The following LRCH1 variants were observed in gnomAD, a reference collection of about 807,000 sequenced individuals.
The protein encoded by LRCH1 is leucine-rich repeat and calponin homology domain-containing protein 1.
Under a neutral mutation model 94.9 loss-of-function variants are expected in LRCH1, and 23 were observed. That is an observed-to-expected ratio of 0.24 (90% confidence interval 0.17 to 0.34). LRCH1 has a LOEUF of 0.34. Among genes scored for constraint, LRCH1 ranks in the 10% least tolerant of loss-of-function variants. The pLI, the probability that LRCH1 is intolerant of heterozygous loss-of-function variation, is 1.00. For synonymous variants in LRCH1, 364 were observed against 354.9 expected (o/e 1.03, Z -0.29); for missense variants, 790 against 945.9 (o/e 0.84, Z 2.16).
chr13:46,615,702 C>T (rs952114956), intron 1 of LRCH1, among the ~76,000 whole-genome samples: 6 of 152,114 alleles, frequency 3.9e-5, no homozygotes, highest in African/African-American at 1.4e-4. Flanking sequence ...CGCAAGTGTT[C>T]TCGTAATGTT....
At chr13:46,707,567 A>G (rs931279023) in intron 13 of LRCH1, among the ~76,000 whole-genome samples, 14 of 152,192 alleles carry the variant, frequency 9.2e-5, no homozygotes, top group African/African-American at 3.4e-4. Flanking sequence ...TTTTGACTCT[A>G]GTAAAATAGA....
At chr13:46,740,192 C>T (rs1873581913) in intron 19 of LRCH1, among the ~76,000 whole-genome samples, 1 of 152,176 alleles carries the variant, frequency 6.6e-6, no homozygotes, top group Admixed American at 6.5e-5. Context: ...TGAGCAGCAT[C>T]AGTCTCCCAG....
Position 46,554,043 on chromosome 13 carries a change from A to G in LRCH1, c.307+340A>G, listed in dbSNP as rs141458197. Among the ~76,000 whole-genome samples the G allele has an allele frequency of 5.7e-3, 867 of 152,326 alleles. 9 individuals carry two copies. The highest frequency in any genetic ancestry group is 0.019 in the African/African-American group (805 of 41,582). On this transcript the variant is annotated intron_variant, in intron 1 of 19. Transcript: ENST00000389797. Reference sequence around the variant, plus strand: ...ACTTGCAGGCGCGCCGCGTGCGCGCAGTGTAAGTGGGAGGTTTCAGGCGGC... The same window carrying G: ...ACTTGCAGGCGCGCCGCGTGCGCGCGGTGTAAGTGGGAGGTTTCAGGCGGC...
intron 19 of LRCH1, among the ~76,000 whole-genome samples, chr13:46,735,788 CTTTTCTTTT>C (rs1447789202): frequency 4.3e-5 from 3 of 69,916 alleles, no homozygotes; most frequent in African/African-American, 1.4e-4. Context: ...TTTTCTTTTT[CTTTTCTTTT>C]TTTTTTTTTT....
rs753681064 is a variant in LRCH1, at chr13:46,553,378, TG to T, written c.-12del. 2.0e-5 allele frequency: 29 copies of T among 1,481,010 alleles called. No individual in the cohort carries two copies. The highest frequency in any genetic ancestry group is 2.1e-4 in the Middle Eastern group (1 of 4,716). The allele number at this position is 1,481,010 out of a possible 1,614,324, so 91.7% of individuals were successfully genotyped here. On this transcript the variant is annotated 5_prime_UTR_variant, in exon 1 of 20. Transcript: ENST00000389797. ...CCCCCGCAGGAGCGGCGGGGCGGGG[TG>T]GGGGGGCCCGGGAGAAGATGGCGAC...
intron 1 of LRCH1, among the ~76,000 whole-genome samples, chr13:46,562,923 G>A (rs1245610971): frequency 3.9e-5 from 6 of 152,084 alleles, no homozygotes; most frequent in Admixed American, 3.3e-4. Context: ...GGATGACTCC[G>A]GCTCATCTGG....
rs1183678461 is a variant in LRCH1, at chr13:46,669,049, C to A, written c.472C>A (p.Leu158Met). Reference sequence around the variant, plus strand: ...TTGCAGTCGAAATCAGCTGTCCGCCCTGCCTGCCTGCCTGTGTGGTCTGCC... The same window carrying A: ...TTGCAGTCGAAATCAGCTGTCCGCCATGCCTGCCTGCCTGTGTGGTCTGCC... ...LNLSRNQLSA[L>M]PACLCGLPLK... Residue 158 changes from leucine to methionine, a missense_variant, in exon 3 of 20, where the codon CTG (leucine) becomes ATG (methionine). This residue lies in a region of LRCH1 where 194 missense variants were observed against 293.5 expected (regional missense o/e 0.66). Transcript: ENST00000389797. The A allele has an allele frequency of 1.2e-6, 2 of 1,608,522 alleles. No homozygotes were observed. Among genetic ancestry groups the A allele is most frequent in the Non-Finnish European group, 1.7e-6 (2 of 1,176,560 alleles).
chr13:46,561,588 A>G (rs1023717194), intron 1 of LRCH1, among the ~76,000 whole-genome samples: 9 of 152,328 alleles, frequency 5.9e-5, no homozygotes, highest in Admixed American at 5.9e-4. Flanking sequence ...TATGCCATAC[A>G]GCGTGAGGAG....
chr13:46,563,241 A>G (rs1272216654), intron 1 of LRCH1, among the ~76,000 whole-genome samples: 1 of 152,224 alleles, frequency 6.6e-6, no homozygotes, highest in African/African-American at 2.4e-5. Context: ...GAATTGGATG[A>G]GGATTAAAGA....
chr13:46,583,365 T>G (rs1158838944), intron 1 of LRCH1, among the ~76,000 whole-genome samples: 2 of 152,218 alleles, frequency 1.3e-5, no homozygotes, highest in African/African-American at 2.4e-5. Context: ...CCAAGATATC[T>G]TTCTTGATAA....
intron 1 of LRCH1, among the ~76,000 whole-genome samples, chr13:46,622,747 G>A (rs1246177201): frequency 3.9e-5 from 6 of 152,190 alleles, no homozygotes; most frequent in Non-Finnish European, 1.5e-5. Flanking sequence ...TGAGAATCAA[G>A]CTAAGAAAAT....
At chr13:46,718,550 G>A (rs1220566609) in intron 16 of LRCH1, among the ~76,000 whole-genome samples, 2 of 152,212 alleles carry the variant, frequency 1.3e-5, no homozygotes, top group African/African-American at 2.4e-5. Flanking sequence ...GGGATGTTAT[G>A]TGGTGTTCAA....
At chr13:46,633,741 T>C (rs1594301926) in intron 1 of LRCH1, among the ~76,000 whole-genome samples, 1 of 152,156 alleles carries the variant, frequency 6.6e-6, no homozygotes, top group East Asian at 1.9e-4. Context: ...TCTCATGGGC[T>C]CCAGACCCAC....
chr13:46,554,500 G>A (rs1398252444), intron 1 of LRCH1, among the ~76,000 whole-genome samples: 1 of 152,214 alleles, frequency 6.6e-6, no homozygotes, highest in African/African-American at 2.4e-5. Context: ...AAAGGACGGC[G>A]TGGCATATTA....
chr13:46,648,829 A>T (rs2051255605), intron 1 of LRCH1, among the ~76,000 whole-genome samples: 1 of 152,178 alleles, frequency 6.6e-6, no homozygotes, highest in South Asian at 2.1e-4. Context: ...TGGTGTGTGT[A>T]AAATATATAA....
Position 46,553,619 on chromosome 13 carries a change from G to T in LRCH1, c.223G>T (p.Gly75Trp). 6.3e-7 allele frequency: 1 copy of T among 1,580,734 alleles called. No individual in the cohort carries two copies. Among genetic ancestry groups the T allele is most frequent in the Non-Finnish European group, 8.6e-7 (1 of 1,164,382 alleles). Reference sequence around the variant, plus strand: ...GCTTGAGGAGGCGGCCAACTCCGGGGGGCTGAACCTGAGCGCCAGGAAATT... The same window carrying T: ...GCTTGAGGAGGCGGCCAACTCCGGGTGGCTGAACCTGAGCGCCAGGAAATT... Reference protein sequence around the residue: ...RALEEAANSGGLNLSARKLKE... With the variant: ...RALEEAANSGWLNLSARKLKE... The change falls in exon 1 of 20, where the codon GGG (glycine) becomes TGG (tryptophan). Residue 75 changes from glycine to tryptophan, a missense_variant. Physicochemically the swap from Gly to Trp is radical, Grantham distance 184. This residue lies in a region of LRCH1 where 136 missense variants were observed against 143.5 expected (regional missense o/e 0.95). Transcript: ENST00000389797.
chr13:46,695,933 C>T (rs956637820), intron 9 of LRCH1, among the ~76,000 whole-genome samples: 7 of 152,120 alleles, frequency 4.6e-5, no homozygotes, highest in East Asian at 1.9e-4. Context: ...AAATAATGAA[C>T]GTGACATATG....
chr13:46,603,684 A>G (rs1021783146), intron 1 of LRCH1, among the ~76,000 whole-genome samples: 3 of 152,192 alleles, frequency 2.0e-5, no homozygotes, highest in African/African-American at 7.2e-5. Context: ...TCAGAGTACT[A>G]TGAGATGAGG....
At chr13:46,617,676 G>T (rs570677433) in intron 1 of LRCH1, among the ~76,000 whole-genome samples, 1 of 152,286 alleles carries the variant, frequency 6.6e-6, no homozygotes, top group East Asian at 1.9e-4. Context: ...GAAAGATACA[G>T]ATCCAATCTC....
Sources: allele counts gnomAD v4.1 joint callset (sites outside exome capture counted in the v4.1 genomes callset), GRCh38; gene constraint gnomAD v4.1.1; regional missense constraint gnomAD v4.1.1; transcripts MANE v1.5; gene names NCBI Gene and HGNC (gene_info 2026-07-23, HGNC 2026-07-21).